Variants in SLAIN2 observed in about 807,000 individuals in gnomAD.
SLAIN2 encodes the protein SLAIN family member 2.
Under a neutral mutation model 56.6 loss-of-function variants are expected in SLAIN2, and 31 were observed. The ratio of observed to expected loss-of-function variants is 0.55; its 90% CI spans 0.41 to 0.74. SLAIN2 has a LOEUF of 0.74. SLAIN2 is among the 30% of genes least tolerant of loss of function. The pLI is 0.00. For synonymous variants in SLAIN2, 317 were observed against 284.9 expected, an observed-to-expected ratio of 1.11 and a Z score of -1.13; for missense variants, 777 against 754.2, an observed-to-expected ratio of 1.03 and a Z score of -0.35.
At chr4:48,343,758 CAG>C (rs1714789404) in intron 1 of SLAIN2, among the ~76,000 whole-genome samples, 1 of 152,132 alleles carries the variant, frequency 6.6e-6, no homozygotes, top group Non-Finnish European at 1.5e-5. Flanking sequence ...ATTTGAGTAA[CAG>C]AATTACTCTT....
rs1717222065 is a variant in SLAIN2, at chr4:48,423,664, G to A, written c.*1587G>A. The A allele has an allele frequency of 6.6e-6, 1 of 152,170 alleles. No individual in the cohort carries two copies. The highest frequency in any genetic ancestry group is 6.5e-5 in the Admixed American group (1 of 15,268). 9.4% of individuals were successfully genotyped at this position (152,170 alleles called of 1,614,324 possible). A position where few individuals can be genotyped will look rare whatever the true frequency, so the allele number is the denominator to read the frequency against. On this transcript the variant is annotated 3_prime_UTR_variant, in exon 8 of 8. Transcript: ENST00000264313. ...TCCATTCTGTCATGACTGACACCATGGTAGTCTGTCAGCTTGACCAGTGGA... is the reference window on the plus strand; with the variant it reads ...TCCATTCTGTCATGACTGACACCATAGTAGTCTGTCAGCTTGACCAGTGGA...
intron 6 of SLAIN2, among the ~76,000 whole-genome samples, chr4:48,397,518 T>A (rs1242054329): frequency 1.3e-5 from 2 of 152,180 alleles, no homozygotes; most frequent in Admixed American, 1.3e-4. Context: ...AATTTTTATT[T>A]TAAGTTTTGG....
intron 6 of SLAIN2, among the ~76,000 whole-genome samples, chr4:48,390,454 T>TATA (rs1219679811): frequency 6.6e-6 from 1 of 152,244 alleles, no homozygotes; most frequent in Non-Finnish European, 1.5e-5. Flanking sequence ...AGGCTGTGCT[T>TATA]ACTTAGTATT....
At chr4:48,365,734 G>T (rs780188762) in intron 1 of SLAIN2, among the ~76,000 whole-genome samples, 2 of 151,942 alleles carry the variant, frequency 1.3e-5, no homozygotes, top group Middle Eastern at 6.8e-3. Context: ...GCTAATTTTT[G>T]TATTTTTTGG....
intron 1 of SLAIN2, among the ~76,000 whole-genome samples, chr4:48,342,711 CTTTTTTTTTTTT>C (rs761272695): frequency 3.0e-5 from 2 of 65,938 alleles, no homozygotes. Flanking sequence ...GATGGTGCTG[CTTTTTTTTTTTT>C]TTTTTTTTTT....
chr4:48,369,052 AT>A (rs1382326665), intron 1 of SLAIN2, among the ~76,000 whole-genome samples: 4 of 152,214 alleles, frequency 2.6e-5, no homozygotes, highest in Admixed American at 1.3e-4. Context: ...TCGAAGCCTA[AT>A]TTTGTTTGCT....
chr4:48,407,622 G>T (rs1443628344), intron 6 of SLAIN2, among the ~76,000 whole-genome samples: 1 of 151,882 alleles, frequency 6.6e-6, no homozygotes, highest in Non-Finnish European at 1.5e-5. Context: ...CTAATTTTAT[G>T]GTTCTTAGCT....
chr4:48,398,762 C>T (rs1716473781), intron 6 of SLAIN2, among the ~76,000 whole-genome samples: 1 of 152,162 alleles, frequency 6.6e-6, no homozygotes, highest in Admixed American at 6.5e-5. Context: ...ATCCTTTCCC[C>T]ATTGCTTGTT....
At chr4:48,388,067 A>G (rs551229123) in intron 6 of SLAIN2, among the ~76,000 whole-genome samples, 17 of 152,082 alleles carry the variant, frequency 1.1e-4, no homozygotes, top group Non-Finnish European at 1.9e-4. Flanking sequence ...ACTTCCACCT[A>G]AGGGATCACT....
intron 4 of SLAIN2, among the ~76,000 whole-genome samples, chr4:48,380,417 A>G (rs1460721797): frequency 6.6e-6 from 1 of 152,136 alleles, no homozygotes; most frequent in African/African-American, 2.4e-5. Context: ...TTGAGAATAC[A>G]TGGTGTAAAC....
rs140440729 is a variant in SLAIN2, at chr4:48,355,607, G to C, written c.389+13479G>C. 3.6e-3 allele frequency among the ~76,000 whole-genome samples: 548 copies of C among 151,978 alleles called. 3 individuals carry two copies. The highest frequency in any genetic ancestry group is 0.013 in the African/African-American group (519 of 41,466). On this transcript the variant is annotated intron_variant, in intron 1 of 7. Coordinates refer to ENST00000264313, the MANE Select transcript of SLAIN2 (RefSeq NM_020846.2). ...AAAAAGGAAGAGAATGTCTAGCCTG[G>C]TATTCTTAAATATTAACTTTAGTTG...
chr4:48,346,518 C>T (rs1825933), intron 1 of SLAIN2, among the ~76,000 whole-genome samples: 6 of 152,176 alleles, frequency 3.9e-5, no homozygotes, highest in Non-Finnish European at 7.3e-5. Flanking sequence ...TTTTGTCACT[C>T]GTGGCTCTTC....
chr4:48,383,868 G>T, intron 6 of SLAIN2, 84 bp downstream of exon 6: 2 of 1,436,938 alleles, frequency 1.4e-6, no homozygotes, highest in East Asian at 2.5e-5. Flanking sequence ...CTGAAAAACC[G>T]TTTTTTATGC....
intron 1 of SLAIN2, among the ~76,000 whole-genome samples, chr4:48,363,858 C>T (rs1165604628): frequency 7.0e-6 from 1 of 142,318 alleles, no homozygotes; most frequent in Non-Finnish European, 1.6e-5. Context: ...TCCTTACTTC[C>T]CAGTAGGGGC....
At chr4:48,373,221 T>C (rs775498583) in intron 2 of SLAIN2, among the ~76,000 whole-genome samples, 2 of 152,232 alleles carry the variant, frequency 1.3e-5, no homozygotes, top group Non-Finnish European at 2.9e-5. Flanking sequence ...TTCACGTTAC[T>C]GTGCAACTGT....
At chr4:48,390,459 AG>A (rs954952707) in intron 6 of SLAIN2, among the ~76,000 whole-genome samples, 35 of 152,336 alleles carry the variant, frequency 2.3e-4, no homozygotes, top group African/African-American at 8.4e-4. Context: ...GTGCTTACTT[AG>A]TATTTAGCAC....
chr4:48,416,808 G>A (rs1717007913), intron 6 of SLAIN2, among the ~76,000 whole-genome samples: 1 of 93,626 alleles, frequency 1.1e-5, no homozygotes, highest in African/African-American at 4.1e-5. Flanking sequence ...AAACCAACGA[G>A]AACAAAGACA....
intron 2 of SLAIN2, among the ~76,000 whole-genome samples, chr4:48,376,913 C>CTTTTTTTT (rs11347630): frequency 1.8e-4 from 20 of 111,742 alleles, no homozygotes; most frequent in Middle Eastern, 5.7e-3. Context: ...GCCCGGCCGA[C>CTTTTTTTT]TTTTTTTTTT....
Position 48,365,339 on chromosome 4 carries a change from G to A in SLAIN2, c.390-4510G>A, listed in dbSNP as rs570947943. On this transcript the variant is annotated intron_variant, in intron 1 of 7. Coordinates refer to ENST00000264313, the MANE Select transcript of SLAIN2 (RefSeq NM_020846.2). ...CAAAAAACTAGTTGGGCGTGGTGGC[G>A]GGCACCTGTAATCCTAGCTACTCGG... Among the ~76,000 whole-genome samples the A allele has an allele frequency of 1.3e-4, 19 of 150,324 alleles. No homozygotes were observed. The South Asian group carries it at 3.2e-3, about 25-fold the overall frequency.
Sources: gnomAD v4.1 joint callset for allele counts (sites outside exome capture counted in the v4.1 genomes callset) on GRCh38, gnomAD v4.1.1 for gene constraint, MANE v1.5 for transcripts, NCBI Gene and HGNC (gene_info 2026-07-23, HGNC 2026-07-21) for gene names.